MUC5B: variants seen among roughly 807,000 people sequenced by gnomAD.
MUC5B encodes mucin 5B, oligomeric mucus/gel-forming.
In MUC5B, 116 loss-of-function variants were observed where a neutral mutation model predicts 376.9. The ratio of observed to expected loss-of-function variants is 0.31; its 90% CI spans 0.26 to 0.36. The LOEUF is 0.36. MUC5B is among the 10% of genes least tolerant of loss of function. The pLI, the probability that MUC5B is intolerant of heterozygous loss-of-function variation, is 1.00. For missense variants in MUC5B, 7,165 were observed against 7,769.9 expected (o/e 0.92, Z 2.93); for synonymous variants, 3,517 against 3,390.9 (o/e 1.04, Z -1.29).
In MUC5B at chr11:1,262,168, G is replaced by A. The variant is rs765941486; in HGVS notation, c.*560G>A. The A allele has an allele frequency of 4.2e-6, 2 of 480,072 alleles. No individual in the cohort carries two copies. The highest frequency in any genetic ancestry group is 5.7e-5 in the East Asian group (1 of 17,656). The allele number at this position is 480,072 out of a possible 1,614,324, so 29.7% of individuals were successfully genotyped here. A position where few individuals can be genotyped will look rare whatever the true frequency, so the allele number is the denominator to read the frequency against. The stretch of plus-strand genomic sequence containing the variant: ...GTTTTGCAAATAAACCCTGAGCATT[G>A]AGTACGTTTCCTGTCCTGACGTCTT... On this transcript the variant is annotated 3_prime_UTR_variant, in exon 49 of 49. Coordinates refer to ENST00000529681, the MANE Select transcript of MUC5B (RefSeq NM_002458.3).
chr11:1,226,728 G>A lies in MUC5B; in HGVS notation c.313G>A (p.Glu105Lys). The change falls in exon 4 of 49, where the codon GAG becomes AAG. Residue 105 changes from glutamate to lysine, a missense_variant. Physicochemically the swap from Glu to Lys is moderately conservative, Grantham distance 56 (BLOSUM62 1). Transcript: ENST00000529681. ...TGGCCTTTGCAACTACGTGTTCTCTGAGCACTGCCGCGCCGCCTACGAGGA... is the reference window on the plus strand; with the variant it reads ...TGGCCTTTGCAACTACGTGTTCTCTAAGCACTGCCGCGCCGCCTACGAGGA... ...FPGLCNYVFSEHCRAAYEDFN... is the reference protein window; with the variant it reads ...FPGLCNYVFSKHCRAAYEDFN... 1.2e-6 allele frequency: 2 copies of A among 1,612,806 alleles called. No homozygotes were observed. The highest frequency in any genetic ancestry group is 1.7e-6 in the Non-Finnish European group (2 of 1,179,834).
At chr11:1,223,442 C>G (rs1348286272) in intron 1 of MUC5B, 1 of 608,244 alleles carries the variant, frequency 1.6e-6, no homozygotes, top group East Asian at 3.1e-5. Context: ...GACCGCAGGG[C>G]AAGGCCCCTG....
chr11:1,223,168 G>T lies in MUC5B; in HGVS notation c.45G>T (p.Ala15=), dbSNP rs375611103. The T allele has an allele frequency of 1.4e-6, 1 of 710,680 alleles. No homozygotes were observed. Among genetic ancestry groups the T allele is most frequent in the Middle Eastern group, 2.4e-4 (1 of 4,106 alleles). The allele number at this position is 710,680 out of a possible 1,614,324, so 44.0% of individuals were successfully genotyped here. ...SACRTLVLAL[A]AMLVVPQAET... ...GCCGGACGCTGGTGTTGGCTCTGGCGGCCATGCTCGTGGTGCCGCAGGCAG... is the reference window on the plus strand; with the variant it reads ...GCCGGACGCTGGTGTTGGCTCTGGCTGCCATGCTCGTGGTGCCGCAGGCAG... The change falls in exon 1 of 49, where the codon GCG becomes GCT. Residue 15 remains alanine, a synonymous_variant. Coordinates refer to ENST00000529681, the MANE Select transcript of MUC5B (RefSeq NM_002458.3).
At chr11:1,235,528 C>G in intron 23 of MUC5B, 115 bp downstream of exon 23, 1 of 891,684 alleles carries the variant, frequency 1.1e-6, no homozygotes, top group Admixed American at 2.1e-5. Context: ...GTCCTGGCCC[C>G]GGGCTGCTGT....
chr11:1,234,288 A>G lies in MUC5B; in HGVS notation c.2461A>G (p.Thr821Ala), dbSNP rs1325565090. Residue 821 changes from threonine to alanine, a missense_variant, in exon 20 of 49, where the codon ACG becomes GCG. Around this residue, in one of 31 missense-constraint regions of MUC5B, gnomAD observed 530 missense variants for 604.0 expected, o/e 0.88. Coordinates refer to ENST00000529681, the MANE Select transcript of MUC5B (RefSeq NM_002458.3). The surrounding 1 kb of genome is among the most constrained non-coding windows in gnomAD (Gnocchi z 6.3). The part of the protein sequence containing the change: ...PGAECLRSCH[T>A]LDVGCFSTHC... ...GGCCGAGTGCCTCCGGAGCTGCCAC[A>G]CGCTGGACGTGGGCTGTGTGAGTTC... The G allele has an allele frequency of 6.5e-7, 1 of 1,545,482 alleles. No individual in the cohort carries two copies. Among genetic ancestry groups the G allele is most frequent in the Non-Finnish European group, 8.8e-7 (1 of 1,137,824 alleles).
intron 25 of MUC5B, among the ~76,000 whole-genome samples, chr11:1,237,572 C>T (rs903596678): frequency 2.0e-5 from 3 of 152,182 alleles, no homozygotes; most frequent in Admixed American, 6.5e-5. Context: ...CAGAGACTTC[C>T]AAAAAGCAGT....
At chr11:1,235,639 C>T (rs934940303) in intron 23 of MUC5B, among the ~76,000 whole-genome samples, 1 of 152,142 alleles carries the variant, frequency 6.6e-6, no homozygotes, top group Non-Finnish European at 1.5e-5. Context: ...CACTCCCTGT[C>T]GAGGGTCTGG....
chr11:1,227,648 A>G (rs779077787), intron 6 of MUC5B, 27 bp from the exon 7 acceptor site: 1 of 715,930 alleles, frequency 1.4e-6, no homozygotes, highest in Non-Finnish European at 2.6e-6. Context: ...CCTCAGAGCC[A>G]CCACACCCCT....
At chr11:1,261,190 C>T (rs928495475) in intron 48 of MUC5B, among the ~76,000 whole-genome samples, 199 bp from the exon 49 acceptor site, 3 of 152,150 alleles carry the variant, frequency 2.0e-5, no homozygotes, top group African/African-American at 4.8e-5. Flanking sequence ...AAGACAGAGC[C>T]GGGAGCCAAG....
intron 24 of MUC5B, 62 bp from the exon 25 acceptor site, chr11:1,236,863 C>T: frequency 7.1e-6 from 10 of 1,398,662 alleles, no homozygotes; most frequent in African/African-American, 1.5e-5. Flanking sequence ...GGGCTCTGTG[C>T]TGCCTCCCAC....
chr11:1,240,079 A>G lies in MUC5B; in HGVS notation c.3763A>G (p.Ser1255Gly). Residue 1255 changes from serine to glycine, a missense_variant, in exon 29 of 49, where the codon AGC becomes GGC. Transcript: ENST00000529681. ...CTPSGIQCAHSLEACTCTYED... is the reference protein window; with the variant it reads ...CTPSGIQCAHGLEACTCTYED... ...ACCCAGTGGCATCCAGTGCGCTCAC[A>G]GCCTTGAGGGTAAGGAAGGGCCGGG... 1 of 1,566,808 alleles carries G rather than the reference A, an allele frequency of 6.4e-7. No homozygotes were observed. Among genetic ancestry groups the G allele is most frequent in the Non-Finnish European group, 8.7e-7 (1 of 1,154,620 alleles).
At chr11:1,228,862 A>C in intron 8 of MUC5B, 97 bp downstream of exon 8, 1 of 357,728 alleles carries the variant, frequency 2.8e-6, no homozygotes, top group East Asian at 6.0e-5. Flanking sequence ...CCTGGGGGAC[A>C]GGGGTGGAGG....
intron 14 of MUC5B, 92 bp from the exon 15 acceptor site, chr11:1,231,904 T>C: frequency 6.5e-7 from 1 of 1,542,878 alleles, no homozygotes. Context: ...TCCCAGCCGT[T>C]CCACCCTGTG....
chr11:1,233,346 C>T, intron 18 of MUC5B, 78 bp downstream of exon 18: 2 of 1,421,924 alleles, frequency 1.4e-6, no homozygotes, highest in Non-Finnish European at 1.9e-6. Context: ...GCTTCTGTGC[C>T]TCCCCCCGAG....
chr11:1,260,908 G>A (rs560983064), intron 48 of MUC5B, among the ~76,000 whole-genome samples, 180 bp downstream of exon 48: 2 of 152,214 alleles, frequency 1.3e-5, no homozygotes, highest in Admixed American at 6.5e-5. Context: ...GCCTGGGGCC[G>A]CTCTCCTAGC....
In MUC5B at chr11:1,249,172, G is replaced by C. The variant is rs1315907529; in HGVS notation, c.12292G>C (p.Ala4098Pro). Residue 4098 changes from alanine to proline, a missense_variant, in exon 31 of 49, where the codon GCC becomes CCC. Around this residue, in one of 31 missense-constraint regions of MUC5B, gnomAD observed 85 missense variants for 78.2 expected, o/e 1.09. Coordinates refer to ENST00000529681, the MANE Select transcript of MUC5B (RefSeq NM_002458.3). Reference protein sequence around the residue: ...GHTTATSRTTATATPSKTRTS... With the variant: ...GHTTATSRTTPTATPSKTRTS... ...CACCACGGCCACCTCCAGGACCACG[G>C]CCACGGCCACACCCAGCAAGACCCG... The C allele has an allele frequency of 1.3e-6, 2 of 1,517,638 alleles. No homozygotes were observed. Among genetic ancestry groups the C allele is most frequent in the South Asian group, 2.2e-5 (2 of 89,252 alleles). 94.0% of individuals were successfully genotyped at this position (1,517,638 alleles called of 1,614,324 possible).
chr11:1,247,092 C>T lies in MUC5B; in HGVS notation c.10212C>T (p.Thr3404=), dbSNP rs1404972294. The change falls in exon 31 of 49, where the codon ACC becomes ACT. Residue 3404 remains threonine (T), a synonymous_variant. Transcript: ENST00000529681. ...ATTITATGST[T]NPSSTPGTTP... is the part of the protein sequence containing the mutation. ...CGATCACAGCCACCGGCTCCACCAC[C>T]AACCCCTCCTCAACTCCAGGGACAA... is the stretch of plus-strand genomic sequence containing the variant. 1 of 1,563,108 alleles carries T rather than the reference C, an allele frequency of 6.4e-7. No homozygotes were observed. The highest frequency in any genetic ancestry group is 1.2e-5 in the South Asian group (1 of 86,166).
chr11:1,249,288 G>A lies in MUC5B; in HGVS notation c.12408G>A (p.Glu4136=), dbSNP rs1348460053. The change falls in exon 31 of 49, where the codon GAG becomes GAA. Residue 4136 remains glutamate (E), a synonymous_variant. Coordinates refer to ENST00000529681, the MANE Select transcript of MUC5B (RefSeq NM_002458.3). ...TGCEPQCAWS[E]WLDYSYPMPG... ...GTGAGCCCCAGTGTGCCTGGTCAGA[G>A]TGGCTGGACTACAGCTACCCCATGC... 3.1e-6 allele frequency: 5 copies of A among 1,611,206 alleles called. No homozygotes were observed. In the Admixed American group the frequency reaches 8.3e-5, roughly 27 times the overall value.
chr11:1,228,414 G>A, intron 7 of MUC5B, 150 bp from the exon 8 acceptor site: 3 of 711,086 alleles, frequency 4.2e-6, no homozygotes, highest in Non-Finnish European at 4.5e-6. Flanking sequence ...GCTCTGCATG[G>A]CCACAGTGGG....
Sources: allele counts gnomAD v4.1 joint callset (sites outside exome capture counted in the v4.1 genomes callset), GRCh38; gene constraint gnomAD v4.1.1; regional missense constraint gnomAD v4.1.1; non-coding constraint Gnocchi (gnomAD v3.1); transcripts MANE v1.5; gene names NCBI Gene and HGNC (gene_info 2026-07-23, HGNC 2026-07-21).